Variants in PLCE1 observed in about 807,000 individuals in gnomAD.
The protein encoded by PLCE1 is 1-phosphatidylinositol 4,5-bisphosphate phosphodiesterase epsilon-1.
A neutral mutation model predicts 242.8 loss-of-function variants in PLCE1; 119 were observed. The ratio of observed to expected loss-of-function variants is 0.49; its 90% CI spans 0.42 to 0.57. PLCE1 has a LOEUF of 0.57. Among genes scored for constraint, PLCE1 ranks in the 20% least tolerant of loss-of-function variants. The pLI is 0.00. For synonymous variants in PLCE1, 945 were observed against 1,017.4 expected (o/e 0.93, Z 1.35); for missense variants, 2,441 against 2,788.8 (o/e 0.88, Z 2.81).
At chr10:94,227,528 G>A in intron 5 of PLCE1, 77 bp downstream of exon 5, 7 of 1,345,224 alleles carry the variant, frequency 5.2e-6, no homozygotes, top group Non-Finnish European at 7.5e-6. Flanking sequence ...TAATTGTCCA[G>A]GGACTCACCT....
chr10:94,085,831 C>T (rs962219024), intron 2 of PLCE1, among the ~76,000 whole-genome samples: 3 of 152,194 alleles, frequency 2.0e-5, no homozygotes, highest in Admixed American at 6.5e-5. Context: ...GCCTGGAAGA[C>T]AGACTGGGTA....
In PLCE1 at chr10:94,329,732, C is replaced by A. The variant is rs528688909; in HGVS notation, c.*1789C>A. 7.6e-6 allele frequency: 1 copy of A among 132,414 alleles called. No individual in the cohort carries two copies. The highest frequency in any genetic ancestry group is 2.9e-5 in the African/African-American group (1 of 34,700). 8.2% of individuals were successfully genotyped at this position (132,414 alleles called of 1,614,324 possible). ...GGTGGAGGCTGCAGTGAGCCAAGAT[C>A]GCACCACCACGCTCCAGCCTGGTGA... On this transcript the variant is annotated 3_prime_UTR_variant, in exon 33 of 33. Transcript: ENST00000371380.
chr10:94,213,238 C>T (rs1015963737), intron 4 of PLCE1, among the ~76,000 whole-genome samples: 1 of 152,146 alleles, frequency 6.6e-6, no homozygotes, highest in African/African-American at 2.4e-5. Context: ...TCATGTACAG[C>T]TCTGTTAGTT....
intron 19 of PLCE1, 154 bp from the exon 20 acceptor site, chr10:94,279,628 C>G (rs983452833): frequency 1.3e-5 from 10 of 746,532 alleles, no homozygotes; most frequent in Admixed American, 4.2e-5. Context: ...CATTGCATTT[C>G]GAGGGAATCT....
intron 3 of PLCE1, among the ~76,000 whole-genome samples, chr10:94,149,953 A>T (rs950489399): frequency 6.6e-6 from 1 of 152,168 alleles, no homozygotes; most frequent in Non-Finnish European, 1.5e-5. Context: ...TATATCTGTA[A>T]CTGTAGACAG....
intron 13 of PLCE1, among the ~76,000 whole-genome samples, chr10:94,259,846 G>A (rs1564838407): frequency 6.6e-6 from 1 of 152,100 alleles, no homozygotes; most frequent in African/African-American, 2.4e-5. Context: ...TGGCTGGGGA[G>A]GCCTTACAAT....
chr10:94,057,396 T>G (rs1362113585), intron 2 of PLCE1, among the ~76,000 whole-genome samples: 1 of 152,200 alleles, frequency 6.6e-6, no homozygotes, highest in Non-Finnish European at 1.5e-5. Flanking sequence ...TGACCTACAC[T>G]CCACTGGTTA....
chr10:94,165,344 C>T (rs2047760432), intron 3 of PLCE1, among the ~76,000 whole-genome samples: 1 of 152,224 alleles, frequency 6.6e-6, no homozygotes, highest in African/African-American at 2.4e-5. Flanking sequence ...CGCCCCTCCC[C>T]CAGCCTCGCT....
At chr10:94,123,720 A>T (rs1181488322) in intron 2 of PLCE1, among the ~76,000 whole-genome samples, 2 of 152,222 alleles carry the variant, frequency 1.3e-5, no homozygotes, top group African/African-American at 4.8e-5. Flanking sequence ...AACCTTTTAG[A>T]ACACTGCTTG....
At chr10:94,192,342 C>T (rs1200560754) in intron 4 of PLCE1, among the ~76,000 whole-genome samples, 15 of 152,166 alleles carry the variant, frequency 9.9e-5, no homozygotes, top group Admixed American at 9.8e-4. Flanking sequence ...TGCCCACCTC[C>T]CTCTCTTCCC....
At chr10:94,263,527 A>G (rs1421219068) in intron 14 of PLCE1, among the ~76,000 whole-genome samples, 5 of 151,400 alleles carry the variant, frequency 3.3e-5, no homozygotes, top group African/African-American at 9.7e-5. Context: ...AAAAAAAAAA[A>G]AAAGAAAAAG....
chr10:94,029,484 G>A (rs945380018), intron 1 of PLCE1, among the ~76,000 whole-genome samples: 1 of 152,132 alleles, frequency 6.6e-6, no homozygotes, highest in Non-Finnish European at 1.5e-5. Flanking sequence ...TCTGGAAGGA[G>A]GTTTCTGAAA....
chr10:94,187,062 A>G (rs1210252586), intron 4 of PLCE1, among the ~76,000 whole-genome samples: 1 of 152,156 alleles, frequency 6.6e-6, no homozygotes, highest in Non-Finnish European at 1.5e-5. Context: ...TAAAAAAATG[A>G]TAATAATTAA....
rs922423692 is a variant in PLCE1, at chr10:94,236,232, C to T, written c.2420+112C>T. The T allele has an allele frequency of 3.9e-5, 31 of 804,226 alleles. No individual in the cohort carries two copies. The African/African-American group carries it at 4.9e-4, about 13-fold the overall frequency. The allele number at this position is 804,226 out of a possible 1,614,324, so 49.8% of individuals were successfully genotyped here. A position where few individuals can be genotyped will look rare whatever the true frequency, so the allele number is the denominator to read the frequency against. On this transcript the variant is annotated intron_variant, in intron 7 of 32. Transcript: ENST00000371380. The stretch of plus-strand genomic sequence containing the variant: ...ATGGACACCTCATCAAAACCTGCCA[C>T]TTTTATCATTAAGCCACACTTCTTT...
At chr10:94,233,195 G>A (rs955649285) in intron 5 of PLCE1, among the ~76,000 whole-genome samples, 1 of 152,172 alleles carries the variant, frequency 6.6e-6, no homozygotes, top group African/African-American at 2.4e-5. Context: ...TTTCAGAATA[G>A]GGAAAGTCCC....
At position 94,246,513 on chromosome 10, in the gene PLCE1, A is replaced by G. The variant is rs200610807; in HGVS notation, c.2988A>G (p.Lys996=). The G allele has an allele frequency of 2.8e-4, 456 of 1,614,132 alleles. No homozygotes were observed. The highest frequency in any genetic ancestry group is 5.7e-4 in the South Asian group (52 of 91,082). ...TCGTGGCACCAAAGCACACAGCTAA[A>G]ATGCTCTTCAGCGGATTATTGGAAC... ...LHFVAPKHTA[K]MLFSGLLELT... Residue 996 remains lysine (K), a synonymous_variant, in exon 8 of 33, where the codon AAA becomes AAG. Coordinates refer to ENST00000371380, the MANE Select transcript of PLCE1 (RefSeq NM_016341.4).
intron 2 of PLCE1, among the ~76,000 whole-genome samples, chr10:94,050,711 G>A (rs12266103): frequency 0.39 from 58,805 of 151,448 alleles, 14,090 homozygotes; most frequent in African/African-American, 0.69. Context: ...AAATTTAAAA[G>A]AAAACAAAAA....
chr10:94,320,294 G>GA (rs959649986), intron 29 of PLCE1, among the ~76,000 whole-genome samples: 3 of 151,506 alleles, frequency 2.0e-5, no homozygotes, highest in Non-Finnish European at 4.4e-5. Flanking sequence ...TCATTCATGG[G>GA]AAAAAAATCA....
At position 94,262,651 on chromosome 10, in the gene PLCE1, G is replaced by A; in HGVS notation, c.3972G>A (p.Val1324=). Residue 1324 remains valine, a synonymous_variant, in exon 14 of 33, where the codon GTG becomes GTA. Coordinates refer to ENST00000371380, the MANE Select transcript of PLCE1 (RefSeq NM_016341.4). ...IESTSLGIFG[V]GILQLNDFLV... ...GCACATCTCTGGGCATTTTTGGGGTGGGCATACTTCAGCTCAACGATTTCC... is the reference window on the plus strand; with the variant it reads ...GCACATCTCTGGGCATTTTTGGGGTAGGCATACTTCAGCTCAACGATTTCC... 1.2e-6 allele frequency: 2 copies of A among 1,614,014 alleles called. No individual in the cohort carries two copies. Among genetic ancestry groups the A allele is most frequent in the Non-Finnish European group, 1.7e-6 (2 of 1,179,960 alleles).
Sources: gnomAD v4.1 joint callset for allele counts (sites outside exome capture counted in the v4.1 genomes callset) on GRCh38, gnomAD v4.1.1 for gene constraint, MANE v1.5 for transcripts, NCBI Gene and HGNC (gene_info 2026-07-23, HGNC 2026-07-21) for gene names.